The following POU2F1 variants were observed in gnomAD, a reference collection of about 807,000 sequenced individuals.
The protein encoded by POU2F1 is POU class 2 homeobox 1.
POU2F1 carries 16 observed loss-of-function variants against 84.9 expected under a neutral mutation model. The ratio of observed to expected loss-of-function variants is 0.19; its 90% confidence interval spans 0.13 to 0.29. POU2F1 has a LOEUF of 0.29. Among genes scored for constraint, POU2F1 ranks in the 10% least tolerant of loss-of-function variants. POU2F1 has a pLI of 1.00. For missense variants in POU2F1, 738 were observed against 942.6 expected (o/e 0.78, Z 2.84); for synonymous variants, 368 against 368.3 (o/e 1.00, Z 0.01).
At chr1:167,221,177 G>A (rs1416764329) in intron 1 of POU2F1, among the ~76,000 whole-genome samples, 1 of 151,520 alleles carries the variant, frequency 6.6e-6, no homozygotes, top group Non-Finnish European at 1.5e-5. Flanking sequence ...GGGCAAAGGG[G>A]GCTGCGATCC....
chr1:167,369,228 CTT>C (rs1659862129), intron 3 of POU2F1, among the ~76,000 whole-genome samples: 1 of 152,116 alleles, frequency 6.6e-6, no homozygotes, highest in African/African-American at 2.4e-5. Flanking sequence ...AGATTCTACA[CTT>C]TTGTTAGGGA....
At chr1:167,283,352 A>G (rs1220004329) in intron 1 of POU2F1, among the ~76,000 whole-genome samples, 3 of 152,178 alleles carry the variant, frequency 2.0e-5, no homozygotes, top group Non-Finnish European at 2.9e-5. Flanking sequence ...ACATGGGCCA[A>G]CAAAGCCTGA....
At chr1:167,358,122 CTTTTTTTTTTT>C in intron 2 of POU2F1, among the ~76,000 whole-genome samples, 1 of 97,142 alleles carries the variant, frequency 1.0e-5, no homozygotes, top group Admixed American at 1.1e-4. Context: ...TTTTTCTTTT[CTTTTTTTTTTT>C]TTTTTTTTTT....
At chr1:167,253,177 T>C (rs547185847) in intron 1 of POU2F1, among the ~76,000 whole-genome samples, 8 of 152,314 alleles carry the variant, frequency 5.3e-5, no homozygotes, top group Admixed American at 5.2e-4. Flanking sequence ...AGGGCAAAAG[T>C]TTCACTTCAA....
Position 167,220,964 on chromosome 1 carries a change from C to T in POU2F1, c.61+6C>T, listed in dbSNP as rs776160352. The T allele has an allele frequency of 2.9e-5, 45 of 1,534,398 alleles. No homozygotes were observed. Among genetic ancestry groups the T allele is most frequent in the Non-Finnish European group, 2.6e-5 (30 of 1,146,088 alleles). ...CGCGGCGGCAGCAGCAGCAGGTAAT[C>T]ATTACAGCATTTTACATATTCATAT... On this transcript the variant is annotated splice_donor_region_variant and intron_variant, in intron 1 of 15. Transcript: ENST00000367866.
At chr1:167,356,522 A>G (rs575824174) in intron 2 of POU2F1, among the ~76,000 whole-genome samples, 1 of 152,170 alleles carries the variant, frequency 6.6e-6, no homozygotes, top group African/African-American at 2.4e-5. Flanking sequence ...AGTGGCAAAT[A>G]TCCAAGTTTC....
chr1:167,328,419 CTA>C (rs1289329245), intron 1 of POU2F1, among the ~76,000 whole-genome samples: 1 of 152,204 alleles, frequency 6.6e-6, no homozygotes, highest in Non-Finnish European at 1.5e-5. Context: ...TATCAGTAGA[CTA>C]GCACCATCTT....
chr1:167,357,272 T>C (rs192337155), intron 2 of POU2F1, among the ~76,000 whole-genome samples: 4 of 146,844 alleles, frequency 2.7e-5, no homozygotes, highest in African/African-American at 8.2e-5. Context: ...CCATAAACTA[T>C]GATGTTTATT....
intron 1 of POU2F1, among the ~76,000 whole-genome samples, chr1:167,284,077 C>A (rs1653353342): frequency 6.6e-6 from 1 of 152,180 alleles, no homozygotes; most frequent in Non-Finnish European, 1.5e-5. Flanking sequence ...TACCCTCTAA[C>A]TGTCCTATTT....
intron 10 of POU2F1, chr1:167,396,710 G>A: frequency 7.5e-6 from 2 of 265,638 alleles, no homozygotes; most frequent in Non-Finnish European, 1.4e-5. Flanking sequence ...CACACACACA[G>A]TTGAAGGAAT....
intron 1 of POU2F1, among the ~76,000 whole-genome samples, chr1:167,238,448 A>G (rs938581875): frequency 6.6e-6 from 1 of 152,172 alleles, no homozygotes; most frequent in African/African-American, 2.4e-5. Context: ...ATCAGAAGGA[A>G]ACTTCTCTTC....
At chr1:167,321,428 C>T (rs143940429) in intron 1 of POU2F1, among the ~76,000 whole-genome samples, 1,997 of 152,256 alleles carry the variant, frequency 0.013, 12 homozygotes, top group Non-Finnish European at 0.019. Context: ...GGAATCATAG[C>T]AGGAGAAGGC....
At chr1:167,239,593 A>G (rs1233095696) in intron 1 of POU2F1, among the ~76,000 whole-genome samples, 2 of 152,222 alleles carry the variant, frequency 1.3e-5, no homozygotes, top group South Asian at 2.1e-4. Context: ...TGCTCATTCT[A>G]GCAAGTGCTG....
chr1:167,231,151 C>A (rs1453889417), intron 1 of POU2F1, among the ~76,000 whole-genome samples: 2 of 152,140 alleles, frequency 1.3e-5, no homozygotes, highest in East Asian at 3.8e-4. Flanking sequence ...GCTTTCTGAT[C>A]CTGAATAAAT....
intron 1 of POU2F1, among the ~76,000 whole-genome samples, chr1:167,257,397 G>A (rs1340311638): frequency 6.6e-6 from 1 of 152,120 alleles, no homozygotes; most frequent in African/African-American, 2.4e-5. Flanking sequence ...GATGAGAGGT[G>A]GATGGCATTT....
intron 2 of POU2F1, among the ~76,000 whole-genome samples, chr1:167,356,237 A>C (rs1212231378): frequency 6.8e-6 from 1 of 147,728 alleles, no homozygotes; most frequent in African/African-American, 2.5e-5. Flanking sequence ...TCCTGGGCTC[A>C]AGGGATCTGC....
At chr1:167,229,273 C>G (rs1278841113) in intron 1 of POU2F1, among the ~76,000 whole-genome samples, 4 of 151,532 alleles carry the variant, frequency 2.6e-5, no homozygotes, top group Non-Finnish European at 5.9e-5. Context: ...TTTAGGTTAT[C>G]CAGAAAAGAG....
At chr1:167,369,842 CTT>C (rs1296286836) in intron 3 of POU2F1, among the ~76,000 whole-genome samples, 2 of 152,116 alleles carry the variant, frequency 1.3e-5, no homozygotes, top group Non-Finnish European at 2.9e-5. Flanking sequence ...TTTTTAGAAT[CTT>C]AAGCATTCTG....
intron 5 of POU2F1, among the ~76,000 whole-genome samples, chr1:167,372,240 T>G (rs535621476): frequency 2.0e-5 from 3 of 152,276 alleles, no homozygotes; most frequent in African/African-American, 7.2e-5. Flanking sequence ...CAGGATATCT[T>G]TTATTAGAAT....
Sources: allele counts gnomAD v4.1 joint callset (sites outside exome capture counted in the v4.1 genomes callset), GRCh38; gene constraint gnomAD v4.1.1; transcripts MANE v1.5; gene names NCBI Gene and HGNC (gene_info 2026-07-23, HGNC 2026-07-21).